MAPRE2: variants seen among roughly 807,000 people sequenced by gnomAD.
MAPRE2 encodes the protein microtubule associated protein RP/EB family member 2.
In MAPRE2, 13 loss-of-function variants were observed where a neutral mutation model predicts 43.2. That is an observed-to-expected ratio of 0.30 (90% CI 0.20 to 0.48). MAPRE2 has a LOEUF of 0.48. Ranked by LOEUF, MAPRE2 falls within the 20% of genes least tolerant of loss-of-function variation. The pLI, the probability that MAPRE2 is intolerant of heterozygous loss-of-function variation, is 0.99. For missense variants in MAPRE2, 161 were observed against 400.2 expected, an observed-to-expected ratio of 0.40 and a Z score of 5.10; for synonymous variants, 135 against 148.8, an observed-to-expected ratio of 0.91 and a Z score of 0.68.
chr18:35,033,379 T>C (rs2097048771), intron 2 of MAPRE2, among the ~76,000 whole-genome samples: 1 of 150,428 alleles, frequency 6.6e-6, no homozygotes, highest in Non-Finnish European at 1.5e-5. Flanking sequence ...ATAAGAGCTA[T>C]CTATGACAAA....
intron 2 of MAPRE2, among the ~76,000 whole-genome samples, chr18:35,074,338 A>G (rs1478159071): frequency 6.6e-6 from 1 of 152,100 alleles, no homozygotes; most frequent in Non-Finnish European, 1.5e-5. Context: ...AATTTACTAA[A>G]TCTTTTATAA....
At chr18:35,023,385 G>A (rs1039967305) in intron 2 of MAPRE2, among the ~76,000 whole-genome samples, 23 of 151,910 alleles carry the variant, frequency 1.5e-4, no homozygotes, top group African/African-American at 4.8e-4. Context: ...GGTGGCAGGC[G>A]CCTGTAGTCC....
rs140462190 is a variant in MAPRE2, at chr18:35,064,330, T to C, written c.123-5865T>C. 2.3e-3 allele frequency among the ~76,000 whole-genome samples: 342 copies of C among 151,908 alleles called. 4 individuals carry two copies. Among genetic ancestry groups the C allele is most frequent in the Admixed American group, 0.021 (322 of 15,260 alleles). On this transcript the variant is annotated intron_variant, in intron 1 of 6. Transcript: ENST00000300249. ...AAACCTGCTGGAAAAAATATACATA[T>C]ATGTATATATACTGTTTTGTCCTCC...
At chr18:35,035,132 A>G (rs1005553202) in intron 2 of MAPRE2, among the ~76,000 whole-genome samples, 16 of 152,038 alleles carry the variant, frequency 1.1e-4, no homozygotes, top group Non-Finnish European at 1.9e-4. Context: ...ACAATGATAG[A>G]CTGGATTAAG....
chr18:35,041,693 G>T, intron 1 of MAPRE2, 32 bp downstream of exon 1: 1 of 1,613,836 alleles, frequency 6.2e-7, no homozygotes, highest in East Asian at 2.2e-5. Context: ...CAGCGCCGGG[G>T]ACCGCCGTGA....
chr18:35,015,301 AAT>A (rs1466041487), intron 2 of MAPRE2, among the ~76,000 whole-genome samples: 3 of 152,120 alleles, frequency 2.0e-5, no homozygotes, highest in African/African-American at 7.2e-5. Context: ...TAAACTGTGT[AAT>A]ACCTGAACAC....
chr18:35,093,183 G>C (rs779219510), intron 2 of MAPRE2, among the ~76,000 whole-genome samples: 3 of 120,152 alleles, frequency 2.5e-5, no homozygotes, highest in African/African-American at 6.7e-5. Context: ...CTGCACTCCA[G>C]GTTAGGAGAC....
At chr18:35,089,402 C>A (rs528475248) in intron 2 of MAPRE2, among the ~76,000 whole-genome samples, 2 of 152,228 alleles carry the variant, frequency 1.3e-5, no homozygotes, top group East Asian at 3.9e-4. Context: ...ATTTACAAAT[C>A]ATATATCTGA....
intron 1 of MAPRE2, among the ~76,000 whole-genome samples, chr18:35,069,703 A>C (rs866516877): frequency 6.6e-6 from 1 of 152,180 alleles, no homozygotes; most frequent in Non-Finnish European, 1.5e-5. Context: ...TATTCCACAA[A>C]CTAGGTAAAA....
At chr18:35,070,969 C>T (rs566573717) in intron 2 of MAPRE2, among the ~76,000 whole-genome samples, 3 of 152,242 alleles carry the variant, frequency 2.0e-5, no homozygotes, top group African/African-American at 4.8e-5. Flanking sequence ...TCGCAGGCTC[C>T]GTGGTGTTCC....
intron 4 of MAPRE2, among the ~76,000 whole-genome samples, chr18:35,119,118 G>C (rs1051077321): frequency 6.6e-6 from 1 of 152,114 alleles, no homozygotes; most frequent in African/African-American, 2.4e-5. Context: ...CTCGCCTCCC[G>C]TGTCTGTGCC....
At chr18:35,047,362 A>AT (rs1246629913) in intron 1 of MAPRE2, among the ~76,000 whole-genome samples, 3 of 152,174 alleles carry the variant, frequency 2.0e-5, no homozygotes, top group Non-Finnish European at 1.5e-5. Flanking sequence ...CTGAAGCACT[A>AT]TTCCAACAGC....
At chr18:35,063,495 AAAAG>A (rs532002791) in intron 1 of MAPRE2, among the ~76,000 whole-genome samples, 120 of 152,230 alleles carry the variant, frequency 7.9e-4, no homozygotes, top group African/African-American at 2.2e-3. Context: ...AAAAAAAAAA[AAAAG>A]GAGAAGAAGG....
At chr18:34,982,841 C>G (rs1159049204) in intron 1 of MAPRE2, among the ~76,000 whole-genome samples, 2 of 152,044 alleles carry the variant, frequency 1.3e-5, no homozygotes, top group African/African-American at 2.4e-5. Flanking sequence ...GACCTTGAAG[C>G]CAAGAGTGGT....
intron 1 of MAPRE2, among the ~76,000 whole-genome samples, chr18:34,985,628 T>G (rs1406127395): frequency 1.0e-5 from 1 of 99,054 alleles, no homozygotes; most frequent in Non-Finnish European, 1.9e-5. Flanking sequence ...ATATATAACA[T>G]ATATATTATA....
At chr18:34,978,106 G>A (rs1186648777) in intron 1 of MAPRE2, 2 of 258,586 alleles carry the variant, frequency 7.7e-6, no homozygotes, top group Non-Finnish European at 1.5e-5. Context: ...CAGTAGCGCT[G>A]GGAGTAATTA....
chr18:35,063,382 C>T (rs1379648907), intron 1 of MAPRE2, among the ~76,000 whole-genome samples: 1 of 151,868 alleles, frequency 6.6e-6, no homozygotes, highest in East Asian at 1.9e-4. Context: ...GCTGGGATTA[C>T]AGGCGTGAGC....
chr18:35,104,161 C>T lies in MAPRE2; in HGVS notation c.610+2002C>T, dbSNP rs138928291. 9.0e-3 allele frequency among the ~76,000 whole-genome samples: 1,363 copies of T among 152,098 alleles called. 14 individuals carry two copies. Among genetic ancestry groups the T allele is most frequent in the African/African-American group, 0.031 (1,296 of 41,482 alleles). ...CAACAGTGCCAAATATTAATTGTGG[C>T]GATATCAAATAGGATGAAGCCTGAA... On this transcript the variant is annotated intron_variant, in intron 4 of 6. Coordinates refer to ENST00000300249, the MANE Select transcript of MAPRE2 (RefSeq NM_014268.4).
intron 2 of MAPRE2, among the ~76,000 whole-genome samples, chr18:35,022,786 T>C (rs2097042744): frequency 6.6e-6 from 1 of 152,130 alleles, no homozygotes; most frequent in Non-Finnish European, 1.5e-5. Context: ...GAGAAAACCA[T>C]ACAAATTCAA....
Sources: allele counts gnomAD v4.1 joint callset (sites outside exome capture counted in the v4.1 genomes callset), GRCh38; gene constraint gnomAD v4.1.1; transcripts MANE v1.5; gene names NCBI Gene and HGNC (gene_info 2026-07-23, HGNC 2026-07-21).